Variants in ZFAT observed in about 807,000 individuals in gnomAD.
The protein encoded by ZFAT is zinc finger and AT-hook domain containing, also known as zinc finger protein ZFAT.
A neutral mutation model predicts 117.7 loss-of-function variants in ZFAT; 64 were observed. The observed-to-expected ratio is 0.54, with a 90% CI of 0.44 to 0.67. The LOEUF (loss-of-function observed/expected upper bound fraction) is 0.67, where lower values mean the gene tolerates loss of function less well. Ranked by LOEUF, ZFAT falls within the 30% of genes least tolerant of loss-of-function variation. The pLI is 0.00. For synonymous variants in ZFAT, 679 were observed against 615.0 expected (o/e 1.10, Z -1.54); for missense variants, 1,433 against 1,584.5 (o/e 0.90, Z 1.62).
the ZFAT span, among the ~76,000 whole-genome samples, chr8:134,831,754 C>A: frequency 6.6e-6 from 1 of 151,838 alleles, no homozygotes; most frequent in African/African-American, 2.4e-5. Flanking sequence ...CACTCCAGGG[C>A]CGCACCGCAG....
intron 3 of ZFAT, among the ~76,000 whole-genome samples, chr8:134,620,046 A>G (rs1223397074): frequency 2.0e-5 from 3 of 152,174 alleles, no homozygotes; most frequent in Admixed American, 2.0e-4. Context: ...CAAATGGCAA[A>G]GTGTAATACT....
intron 11 of ZFAT, among the ~76,000 whole-genome samples, chr8:134,553,258 C>A (rs1823317946): frequency 6.6e-6 from 1 of 152,156 alleles, no homozygotes; most frequent in Non-Finnish European, 1.5e-5. Context: ...GTAATCCCAA[C>A]ACTTTGGGAG....
At chr8:134,764,350 A>G in the ZFAT span, among the ~76,000 whole-genome samples, 2 of 152,254 alleles carry the variant, frequency 1.3e-5, no homozygotes, top group Non-Finnish European at 2.9e-5. Context: ...GATAATATAC[A>G]TAAGACAGAA....
At chr8:134,613,061 C>A (rs1057345530) in intron 3 of ZFAT, among the ~76,000 whole-genome samples, 1 of 152,142 alleles carries the variant, frequency 6.6e-6, no homozygotes, top group African/African-American at 2.4e-5. Context: ...ATAACTATAG[C>A]AGAATATATT....
At chr8:134,674,963 A>C (rs1346511864) in intron 1 of ZFAT, 1 of 152,422 alleles carries the variant, frequency 6.6e-6, no homozygotes, top group Admixed American at 6.5e-5. Flanking sequence ...CACCAACATC[A>C]AAGACCAAAG....
chr8:134,552,847 T>G (rs529125571), intron 11 of ZFAT, among the ~76,000 whole-genome samples: 1 of 152,364 alleles, frequency 6.6e-6, no homozygotes, highest in East Asian at 1.9e-4. Context: ...AAACTGTGGA[T>G]TTCAGACCTG....
At chr8:134,634,662 A>G (rs1442201512) in intron 3 of ZFAT, among the ~76,000 whole-genome samples, 1 of 152,328 alleles carries the variant, frequency 6.6e-6, no homozygotes, top group South Asian at 2.1e-4. Context: ...TAAAAACCTA[A>G]GTTTTCATCA....
intron 7 of ZFAT, chr8:134,599,841 T>C (rs908639909): frequency 2.2e-6 from 1 of 453,742 alleles, no homozygotes; most frequent in Non-Finnish European, 4.4e-6. Context: ...TTCATTGTGT[T>C]ACAAGATCCT....
intron 15 of ZFAT, among the ~76,000 whole-genome samples, chr8:134,486,392 T>TCGC (rs1817659344): frequency 6.6e-6 from 1 of 152,180 alleles, no homozygotes; most frequent in African/African-American, 2.4e-5. Context: ...TCTGTCACCG[T>TCGC]CGCCACCACC....
upstream of ZFAT, among the ~76,000 whole-genome samples, chr8:134,717,390 A>G (rs942265631): frequency 2.7e-5 from 4 of 148,984 alleles, no homozygotes; most frequent in African/African-American, 7.4e-5. Flanking sequence ...CTGTGGTCCA[A>G]TAAGGGCAGT....
chr8:134,707,566 A>ATT (rs1252684672), intron 1 of ZFAT, among the ~76,000 whole-genome samples: 2 of 149,670 alleles, frequency 1.3e-5, no homozygotes, highest in African/African-American at 4.8e-5. Context: ...CCCTACAAGA[A>ATT]GTCTTGGGGC....
the ZFAT span, among the ~76,000 whole-genome samples, chr8:134,728,580 C>A: frequency 1.3e-5 from 2 of 152,178 alleles, no homozygotes; most frequent in African/African-American, 4.8e-5. Context: ...GCTCAGCGGG[C>A]TCCTGCATCC....
chr8:134,757,009 C>CTTTTTT, the ZFAT span, among the ~76,000 whole-genome samples: 11 of 81,210 alleles, frequency 1.4e-4, no homozygotes, highest in Non-Finnish European at 2.0e-4. Flanking sequence ...ACCTTCTTTC[C>CTTTTTT]TTTTTTTTTT....
At chr8:134,727,346 T>C in the ZFAT span, among the ~76,000 whole-genome samples, 1 of 151,986 alleles carries the variant, frequency 6.6e-6, no homozygotes, top group Admixed American at 6.5e-5. Context: ...GGTCCTGAGG[T>C]CAGGACACTG....
At chr8:134,509,787 A>G in intron 14 of ZFAT, 38 bp from the exon 15 acceptor site, 1 of 1,556,818 alleles carries the variant, frequency 6.4e-7, no homozygotes, top group South Asian at 1.2e-5. Flanking sequence ...CATTCAGGCC[A>G]CTGGTGCTGA....
At chr8:134,556,501 A>G (rs1303150639) in intron 11 of ZFAT, among the ~76,000 whole-genome samples, 1 of 152,198 alleles carries the variant, frequency 6.6e-6, no homozygotes, top group East Asian at 1.9e-4. Flanking sequence ...GTAAATATAA[A>G]GGAAACCACA....
intron 3 of ZFAT, among the ~76,000 whole-genome samples, chr8:134,622,635 C>T (rs946655473): frequency 2.0e-5 from 3 of 152,120 alleles, no homozygotes; most frequent in Non-Finnish European, 4.4e-5. Flanking sequence ...CACGTCGCCC[C>T]TCCCCCCTCT....
Position 134,563,786 on chromosome 8 carries a change from T to G in ZFAT, c.2976+1547A>C, listed in dbSNP as rs184135991. On this transcript the variant is annotated intron_variant, in intron 11 of 15. Transcript: ENST00000377838. ...ATGTTCAATAAACACAAGCTAGCAG[T>G]GTGCTGGTGTAGGGTCGCCCAGCTC... Among the ~76,000 whole-genome samples, 12 of 152,276 alleles carry G rather than the reference T, an allele frequency of 7.9e-5. No homozygotes were observed. The East Asian group carries it at 1.7e-3, about 22-fold the overall frequency.
the ZFAT span, among the ~76,000 whole-genome samples, chr8:134,790,725 T>G: frequency 6.8e-4 from 104 of 152,320 alleles, no homozygotes; most frequent in African/African-American, 2.4e-3. Flanking sequence ...TTTTAAAATT[T>G]TCCTTCAGGC....
Sources: allele counts gnomAD v4.1 joint callset (sites outside exome capture counted in the v4.1 genomes callset), GRCh38; gene constraint gnomAD v4.1.1; transcripts MANE v1.5; gene names NCBI Gene and HGNC (gene_info 2026-07-23, HGNC 2026-07-21).